CADM2: variants seen among roughly 807,000 people sequenced by gnomAD.
CADM2 encodes cell adhesion molecule 2.
In CADM2, 12 loss-of-function variants were observed where a neutral mutation model predicts 49.8. The observed-to-expected ratio is 0.24, with a 90% confidence interval of 0.15 to 0.39. The LOEUF (loss-of-function observed/expected upper bound fraction) is 0.39. Ranked by LOEUF, CADM2 falls within the 10% of genes least tolerant of loss-of-function variation. CADM2 has a pLI of 1.00. For missense variants in CADM2, 378 were observed against 492.3 expected, an observed-to-expected ratio of 0.77 and a Z score of 2.20; for synonymous variants, 214 against 175.4, an observed-to-expected ratio of 1.22 and a Z score of -1.74.
At chr3:85,295,197 T>C (rs1445780587) in intron 1 of CADM2, among the ~76,000 whole-genome samples, 26 of 152,086 alleles carry the variant, frequency 1.7e-4, no homozygotes, top group Middle Eastern at 3.2e-3. Context: ...AAAATGCTCA[T>C]CATCACTGGC....
chr3:85,559,088 G>A (rs1234412757), intron 1 of CADM2, among the ~76,000 whole-genome samples: 2 of 151,890 alleles, frequency 1.3e-5, no homozygotes, highest in African/African-American at 4.8e-5. Context: ...CCTCTCAAGT[G>A]GCTTGAGGCT....
rs112080255 is a variant in CADM2, at chr3:85,301,466, G to A, written c.61+341798G>A. On this transcript the variant is annotated intron_variant, in intron 1 of 9. Coordinates refer to ENST00000383699, the MANE Select transcript of CADM2 (RefSeq NM_001167675.2). ...CTATAAATTTTACTTCCATTTTTTA[G>A]GACCTGCTACAATTTGTCTGCGGTG... Among the ~76,000 whole-genome samples the A allele has an allele frequency of 5.9e-3, 897 of 151,988 alleles. 6 individuals carry two copies. Among genetic ancestry groups the A allele is most frequent in the African/African-American group, 0.02 (849 of 41,478 alleles).
intron 3 of CADM2, among the ~76,000 whole-genome samples, chr3:85,866,222 GA>G (rs1376491495): frequency 6.6e-5 from 10 of 152,170 alleles, no homozygotes; most frequent in African/African-American, 2.2e-4. Context: ...ATTTTACTAA[GA>G]AAGGTAAAAT....
intron 1 of CADM2, among the ~76,000 whole-genome samples, chr3:85,594,583 A>AAG (rs199863628): frequency 2.6e-5 from 4 of 151,736 alleles, no homozygotes; most frequent in Non-Finnish European, 5.9e-5. Context: ...TCCAAGTAAA[A>AAG]AGAGAGAGAG....
chr3:85,702,936 C>T (rs1442441916), intron 1 of CADM2, among the ~76,000 whole-genome samples: 1 of 152,108 alleles, frequency 6.6e-6, no homozygotes, highest in Non-Finnish European at 1.5e-5. Flanking sequence ...CTTTGCATTT[C>T]CTGCTCCTTT....
At chr3:85,228,390 A>G (rs1312616711) in intron 1 of CADM2, among the ~76,000 whole-genome samples, 1 of 151,632 alleles carries the variant, frequency 6.6e-6, no homozygotes, top group African/African-American at 2.4e-5. Context: ...TCAGTCACTG[A>G]TAACCCTTCT....
chr3:85,376,897 T>G (rs2033623702), intron 1 of CADM2, among the ~76,000 whole-genome samples: 1 of 152,072 alleles, frequency 6.6e-6, no homozygotes, highest in Admixed American at 6.6e-5. Context: ...AATAAAAGAT[T>G]GTGTTTTAAA....
In CADM2 at chr3:85,880,011, G is replaced by A. The variant is rs879607306; in HGVS notation, c.239-3280G>A. ...CACCCATGTCCCTCTACTCTCCATC[G>A]CCCCTGCCATCCCTAGTCCTTGGCA... is the stretch of plus-strand genomic sequence containing the variant. On this transcript the variant is annotated intron_variant, in intron 3 of 9. Coordinates refer to ENST00000383699, the MANE Select transcript of CADM2 (RefSeq NM_001167675.2). Among the ~76,000 whole-genome samples, 61 of 151,966 alleles carry A rather than the reference G, an allele frequency of 4.0e-4. 1 individual carries two copies. Among genetic ancestry groups the A allele is most frequent in the Non-Finnish European group, 1.5e-4 (10 of 68,000 alleles).
intron 1 of CADM2, among the ~76,000 whole-genome samples, chr3:85,061,358 A>G (rs559937760): frequency 6.6e-6 from 1 of 152,294 alleles, no homozygotes; most frequent in East Asian, 1.9e-4. Context: ...AATTATATAT[A>G]AATTACACCA....
intron 2 of CADM2, among the ~76,000 whole-genome samples, chr3:85,791,466 G>C (rs1434043392): frequency 6.8e-6 from 1 of 146,876 alleles, no homozygotes; most frequent in Non-Finnish European, 1.5e-5. Flanking sequence ...CAGGTTCTTT[G>C]TATAAATACC....
chr3:85,653,172 G>A (rs2065104612), intron 1 of CADM2, among the ~76,000 whole-genome samples: 1 of 150,960 alleles, frequency 6.6e-6, no homozygotes. Context: ...ATTGTTGTTT[G>A]GGGAATCACA....
At chr3:85,685,866 C>T (rs1006777359) in intron 1 of CADM2, among the ~76,000 whole-genome samples, 8 of 151,356 alleles carry the variant, frequency 5.3e-5, no homozygotes, top group Admixed American at 1.3e-4. Context: ...CCTCGTGATC[C>T]GCCCACCTCG....
At chr3:84,978,551 G>A (rs1028395473) in intron 1 of CADM2, among the ~76,000 whole-genome samples, 2 of 152,058 alleles carry the variant, frequency 1.3e-5, no homozygotes, top group African/African-American at 4.8e-5. Context: ...GTGTTTATGT[G>A]TTTATGGCAT....
intron 1 of CADM2, among the ~76,000 whole-genome samples, chr3:85,665,227 T>A (rs11925916): frequency 6.6e-6 from 1 of 151,690 alleles, no homozygotes. Flanking sequence ...TTTATCATAT[T>A]TGGAATGGTG....
chr3:85,895,499 A>G (rs1431614035), intron 5 of CADM2, among the ~76,000 whole-genome samples: 2 of 152,200 alleles, frequency 1.3e-5, no homozygotes, highest in African/African-American at 2.4e-5. Context: ...CTTGTCTCAG[A>G]TGAGACTTTA....
intron 3 of CADM2, among the ~76,000 whole-genome samples, chr3:85,826,168 A>G (rs2073899064): frequency 6.6e-6 from 1 of 151,904 alleles, no homozygotes; most frequent in Admixed American, 6.6e-5. Flanking sequence ...TTCTGATATG[A>G]CTCATTTATT....
chr3:85,117,098 G>A (rs2107581977), intron 1 of CADM2, among the ~76,000 whole-genome samples: 1 of 152,220 alleles, frequency 6.6e-6, no homozygotes, highest in South Asian at 2.1e-4. Flanking sequence ...GCACACGCCT[G>A]TAATCCCAGG....
chr3:85,034,185 T>G (rs997583923), intron 1 of CADM2, among the ~76,000 whole-genome samples: 1 of 152,194 alleles, frequency 6.6e-6, no homozygotes, highest in Non-Finnish European at 1.5e-5. Flanking sequence ...TTGTCTACTG[T>G]GTCACCCTGT....
intron 1 of CADM2, among the ~76,000 whole-genome samples, chr3:85,249,860 A>C (rs182441510): frequency 6.6e-6 from 1 of 152,026 alleles, no homozygotes; most frequent in Admixed American, 6.6e-5. Flanking sequence ...GGAGTTATTT[A>C]ATTCTCAGTC....
Sources: allele counts gnomAD v4.1 joint callset (sites outside exome capture counted in the v4.1 genomes callset), GRCh38; gene constraint gnomAD v4.1.1; transcripts MANE v1.5; gene names NCBI Gene and HGNC (gene_info 2026-07-23, HGNC 2026-07-21).